NAALADL2: variants seen among roughly 807,000 people sequenced by gnomAD.
NAALADL2 encodes inactive N-acetylated-alpha-linked acidic dipeptidase-like protein 2.
NAALADL2 carries 76 observed loss-of-function variants against 87.2 expected under a neutral mutation model. That is an observed-to-expected ratio of 0.87 (90% CI 0.72 to 1.05). The LOEUF is 1.05. NAALADL2 is among the 50% of genes least tolerant of loss of function. The probability of loss-of-function intolerance (pLI) is 0.00; values close to 1 mark genes in which losing one functional copy is unlikely to be tolerated. For synonymous variants in NAALADL2, 354 were observed against 331.0 expected (o/e 1.07, Z -0.75); for missense variants, 1,089 against 945.8 (o/e 1.15, Z -1.99).
intron 11 of NAALADL2, among the ~76,000 whole-genome samples, chr3:175,672,971 ATATGT>A (rs147983507): frequency 0.043 from 6,583 of 152,150 alleles, 227 homozygotes; most frequent in African/African-American, 0.093. Flanking sequence ...GTCCTCAGTT[ATATGT>A]TATATTACCC....
At chr3:175,591,806 A>AGG (rs1560814835) in intron 10 of NAALADL2, among the ~76,000 whole-genome samples, 1 of 140,656 alleles carries the variant, frequency 7.1e-6, no homozygotes, top group Admixed American at 7.0e-5. Context: ...ATATATATAT[A>AGG]TATATATATA....
intron 13 of NAALADL2, among the ~76,000 whole-genome samples, chr3:175,772,220 C>G (rs2150181898): frequency 6.6e-6 from 1 of 152,008 alleles, no homozygotes; most frequent in African/African-American, 2.4e-5. Flanking sequence ...GTAGATTAGA[C>G]AATGGCTTTC....
chr3:174,995,853 C>G (rs1205864554), intron 1 of NAALADL2, among the ~76,000 whole-genome samples: 3 of 151,388 alleles, frequency 2.0e-5, no homozygotes, highest in Non-Finnish European at 4.4e-5. Flanking sequence ...ATAACACCCT[C>G]CCTCTGGATT....
chr3:174,488,859 C>G (rs542171803), intron 1 of NAALADL2, among the ~76,000 whole-genome samples: 1 of 152,152 alleles, frequency 6.6e-6, no homozygotes, highest in East Asian at 1.9e-4. Context: ...ACTCCTCATA[C>G]ATTTTTAAAC....
intron 10 of NAALADL2, among the ~76,000 whole-genome samples, chr3:175,626,031 G>T (rs958383544): frequency 2.6e-5 from 4 of 151,908 alleles, no homozygotes. Context: ...GTTCATTTTG[G>T]TGTGGTTGTG....
At chr3:174,478,463 A>G (rs1179227345) in intron 1 of NAALADL2, among the ~76,000 whole-genome samples, 2 of 152,076 alleles carry the variant, frequency 1.3e-5, no homozygotes, top group Non-Finnish European at 2.9e-5. Flanking sequence ...ACTTGTTTAA[A>G]CTATGGAAAA....
At chr3:174,807,800 A>G (rs935262720) in intron 3 of NAALADL2, among the ~76,000 whole-genome samples, 2 of 152,066 alleles carry the variant, frequency 1.3e-5, no homozygotes, top group Admixed American at 6.6e-5. Context: ...AAATAAATCT[A>G]AAAAGGAAGG....
chr3:175,415,599 C>A (rs951423926), intron 5 of NAALADL2, among the ~76,000 whole-genome samples: 5 of 151,944 alleles, frequency 3.3e-5, no homozygotes, highest in African/African-American at 4.8e-5. Context: ...GCATAAGATA[C>A]AAACTCATAC....
At chr3:175,082,822 C>CA (rs1243088844) in intron 1 of NAALADL2, among the ~76,000 whole-genome samples, 1 of 152,090 alleles carries the variant, frequency 6.6e-6, no homozygotes, top group African/African-American at 2.4e-5. Context: ...TAGAAGGTGC[C>CA]AAAAAGCAAT....
intron 3 of NAALADL2, among the ~76,000 whole-genome samples, chr3:174,815,569 C>G (rs2109310413): frequency 6.6e-6 from 1 of 152,272 alleles, no homozygotes; most frequent in Non-Finnish European, 1.5e-5. Flanking sequence ...GCTAGGACTA[C>G]AGAAGCCTGC....
chr3:174,894,108 T>C (rs981021591), intron 1 of NAALADL2, among the ~76,000 whole-genome samples: 5 of 152,100 alleles, frequency 3.3e-5, no homozygotes, highest in African/African-American at 1.2e-4. Context: ...GGGAAAAAAG[T>C]CACTATATCA....
chr3:174,895,990 C>T (rs886645839), intron 1 of NAALADL2, among the ~76,000 whole-genome samples: 8 of 151,812 alleles, frequency 5.3e-5, no homozygotes, highest in East Asian at 1.9e-4. Flanking sequence ...AATTTAACAT[C>T]GTTACATGAT....
intron 11 of NAALADL2, among the ~76,000 whole-genome samples, chr3:175,715,786 A>T (rs1741159314): frequency 6.6e-6 from 1 of 152,104 alleles, no homozygotes; most frequent in African/African-American, 2.4e-5. Context: ...GAGGCACAAG[A>T]ATCACTTGAA....
At chr3:175,306,634 T>G (rs988130612) in intron 4 of NAALADL2, among the ~76,000 whole-genome samples, 3 of 152,120 alleles carry the variant, frequency 2.0e-5, no homozygotes, top group Non-Finnish European at 2.9e-5. Context: ...CAGACCATCT[T>G]GGCCAGCATG....
At chr3:175,223,938 T>C (rs1050878205) in intron 2 of NAALADL2, among the ~76,000 whole-genome samples, 5 of 152,184 alleles carry the variant, frequency 3.3e-5, no homozygotes, top group African/African-American at 1.2e-4. Flanking sequence ...CTAAATGCTC[T>C]AAGAAACTCT....
At chr3:174,915,855 A>T (rs1205136050) in intron 1 of NAALADL2, among the ~76,000 whole-genome samples, 1 of 152,162 alleles carries the variant, frequency 6.6e-6, no homozygotes, top group East Asian at 1.9e-4. Flanking sequence ...CAAATGCAAC[A>T]AAAACAAAAT....
rs140216985 is a variant in NAALADL2 at position 175,721,894 on chromosome 3, T to C, written c.1897-15412T>C. Among the ~76,000 whole-genome samples, 16 of 152,126 alleles carry C rather than the reference T, an allele frequency of 1.1e-4. 1 individual carries two copies. The East Asian group carries it at 2.5e-3, about 24-fold the overall frequency. On this transcript the variant is annotated intron_variant, in intron 11 of 13. Coordinates refer to ENST00000454872, the MANE Select transcript of NAALADL2 (RefSeq NM_207015.3). The stretch of plus-strand genomic sequence containing the variant: ...ATCAGGAGATTGTTTTTTAATGCAT[T>C]ATAATAAAGTGTCATAAAATGCAAT...
At chr3:175,621,506 C>T (rs1726227253) in intron 10 of NAALADL2, among the ~76,000 whole-genome samples, 1 of 152,118 alleles carries the variant, frequency 6.6e-6, no homozygotes, top group East Asian at 1.9e-4. Flanking sequence ...CAAGGCTTGG[C>T]CTCTAATACA....
At chr3:175,463,701 GGAGAGAGAGAGAGAGAGAGA>G (rs10591566) in intron 7 of NAALADL2, among the ~76,000 whole-genome samples, 4 of 115,486 alleles carry the variant, frequency 3.5e-5, no homozygotes, top group Non-Finnish European at 7.0e-5. Flanking sequence ...CTTAGTCGGG[GGAGAGAGAGAGAGAGAGAGA>G]GAGAGAGAGA....
Sources: allele counts gnomAD v4.1 joint callset (sites outside exome capture counted in the v4.1 genomes callset), GRCh38; gene constraint gnomAD v4.1.1; transcripts MANE v1.5; gene names NCBI Gene and HGNC (gene_info 2026-07-23, HGNC 2026-07-21).